CNGA1: variants seen among roughly 807,000 people sequenced by gnomAD.
CNGA1 encodes the protein cyclic nucleotide gated channel subunit alpha 1.
In CNGA1, 53 loss-of-function variants were observed where a neutral mutation model predicts 69.7. The ratio of observed to expected loss-of-function variants is 0.76; its 90% CI spans 0.61 to 0.96. CNGA1 has a LOEUF of 0.96. Among genes scored for constraint, CNGA1 ranks in the 40% least tolerant of loss-of-function variants. The pLI, the probability that CNGA1 is intolerant of heterozygous loss-of-function variation, is 0.00. For synonymous variants in CNGA1, 249 were observed against 283.5 expected (o/e 0.88, Z 1.22); for missense variants, 739 against 811.2 (o/e 0.91, Z 1.08).
intron 3 of CNGA1, among the ~76,000 whole-genome samples, chr4:47,966,104 A>G (rs1740710666): frequency 6.6e-6 from 1 of 152,236 alleles, no homozygotes; most frequent in African/African-American, 2.4e-5. Context: ...GTACACAAAA[A>G]TATACCAAAG....
At chr4:47,967,838 TGTG>T (rs1740805113) in intron 3 of CNGA1, among the ~76,000 whole-genome samples, 1 of 151,644 alleles carries the variant, frequency 6.6e-6, no homozygotes, top group Non-Finnish European at 1.5e-5. Flanking sequence ...ATTAGCTGGG[TGTG>T]GTGGTGGGTG....
chr4:47,971,108 A>T, intron 3 of CNGA1: 1 of 453,940 alleles, frequency 2.2e-6, no homozygotes. Context: ...CATCTAAAAA[A>T]AAAAAATACA....
intron 2 of CNGA1, among the ~76,000 whole-genome samples, chr4:48,006,300 CAAA>C (rs1180752667): frequency 1.3e-5 from 2 of 152,020 alleles, no homozygotes; most frequent in East Asian, 3.9e-4. Flanking sequence ...CTGTGGATGA[CAAA>C]AAGTTTTAGG....
chr4:48,011,479 C>G lies in CNGA1; in HGVS notation c.-222-586G>C, dbSNP rs144651451. Among the ~76,000 whole-genome samples, 322 of 152,002 alleles carry G rather than the reference C, an allele frequency of 2.1e-3. 1 individual carries two copies. The highest frequency in any genetic ancestry group is 0.017 in the Middle Eastern group (5 of 294). ...AAGCTGACTTTTAACCATTGAGTTC[C>G]TTTTTTAAAAAAATCTTTTAAAATC... On this transcript the variant is annotated intron_variant, in intron 1 of 10. Transcript: ENST00000514170.
intron 3 of CNGA1, among the ~76,000 whole-genome samples, chr4:47,964,282 A>G (rs570637705): frequency 6.6e-6 from 1 of 152,188 alleles, no homozygotes; most frequent in Admixed American, 6.5e-5. Context: ...AGAAAAAATT[A>G]TATGAGTAAA....
chr4:47,951,317 A>G, intron 5 of CNGA1, 36 bp downstream of exon 5: 1 of 1,373,020 alleles, frequency 7.3e-7, no homozygotes, highest in Non-Finnish European at 1.0e-6. Context: ...ATAAATGGTT[A>G]AAAACAAGCA....
At chr4:48,012,977 C>T (rs1715234876) in intron 1 of CNGA1, 1 of 152,102 alleles carries the variant, frequency 6.6e-6, no homozygotes, top group East Asian at 1.9e-4. Flanking sequence ...CACTCCTTTT[C>T]CCTGTTGGAA....
At chr4:47,954,354 G>A (rs1440218318) in intron 3 of CNGA1, among the ~76,000 whole-genome samples, 1 of 152,148 alleles carries the variant, frequency 6.6e-6, no homozygotes, top group Non-Finnish European at 1.5e-5. Flanking sequence ...AATGGAGGTG[G>A]GGAGGTTAAC....
chr4:47,938,526 A>G (rs1357184745), intron 10 of CNGA1, among the ~76,000 whole-genome samples: 5 of 151,696 alleles, frequency 3.3e-5, no homozygotes, highest in South Asian at 4.2e-4. Flanking sequence ...CTGAGTAGCT[A>G]GGACTACAGG....
chr4:47,985,348 T>C (rs1177142501), intron 2 of CNGA1, among the ~76,000 whole-genome samples: 1 of 152,182 alleles, frequency 6.6e-6, no homozygotes, highest in African/African-American at 2.4e-5. Context: ...ATTAGAGCAA[T>C]CTTCTTGCAG....
intron 2 of CNGA1, among the ~76,000 whole-genome samples, chr4:48,001,921 C>T (rs1714679043): frequency 6.6e-6 from 1 of 152,168 alleles, no homozygotes; most frequent in South Asian, 2.1e-4. Flanking sequence ...AATCAAGGAA[C>T]ACATTCCTTC....
Position 47,937,621 on chromosome 4 carries a change from C to T in CNGA1, c.861G>A (p.Arg287=). ...MFEFFQRTET[R]TNYPNIFRIS... ...TCCTGAAGATGTTTGGATAGTTTGT[C>T]CTTGTTTCTGTTCTCTGGAAGAACT... The change falls in exon 11 of 11, where the codon AGG becomes AGA. Residue 287 remains arginine (R), a synonymous_variant. Coordinates refer to ENST00000514170, the MANE Select transcript of CNGA1 (RefSeq NM_001379270.1). 1.2e-6 allele frequency: 2 copies of T among 1,614,140 alleles called. No individual in the cohort carries two copies. Among genetic ancestry groups the T allele is most frequent in the Non-Finnish European group, 1.7e-6 (2 of 1,180,020 alleles).
chr4:47,969,472 G>GT (rs1235449311), intron 3 of CNGA1, among the ~76,000 whole-genome samples: 3 of 151,916 alleles, frequency 2.0e-5, no homozygotes, highest in South Asian at 2.1e-4. Context: ...TTGTTTTTTC[G>GT]TTTTTTTGTT....
chr4:47,944,057 C>T (rs1041062880), intron 6 of CNGA1, among the ~76,000 whole-genome samples: 1 of 152,202 alleles, frequency 6.6e-6, no homozygotes, highest in African/African-American at 2.4e-5. Flanking sequence ...AGGGTTATAG[C>T]AGGCTGCCAT....
intron 6 of CNGA1, among the ~76,000 whole-genome samples, chr4:47,948,547 G>A (rs1203772272): frequency 6.6e-6 from 1 of 152,110 alleles, no homozygotes; most frequent in Non-Finnish European, 1.5e-5. Context: ...CATCTGCCAG[G>A]GAATGCCAGA....
chr4:47,948,213 C>G (rs1739522797), intron 6 of CNGA1, among the ~76,000 whole-genome samples: 1 of 151,922 alleles, frequency 6.6e-6, no homozygotes, highest in Admixed American at 6.6e-5. Context: ...GCATTGGAAC[C>G]TGAGTTTGGG....
intron 2 of CNGA1, among the ~76,000 whole-genome samples, chr4:47,986,352 G>A (rs1421000260): frequency 1.3e-5 from 2 of 151,786 alleles, no homozygotes; most frequent in Non-Finnish European, 2.9e-5. Context: ...GTTGCAGTAA[G>A]CCGAGATTGC....
intron 3 of CNGA1, among the ~76,000 whole-genome samples, chr4:47,957,470 G>A (rs1740157665): frequency 6.6e-6 from 1 of 151,832 alleles, no homozygotes; most frequent in Non-Finnish European, 1.5e-5. Context: ...AGAATAAAAT[G>A]TTAGCCCAGA....
At chr4:47,984,200 G>C (rs1741872511) in intron 2 of CNGA1, among the ~76,000 whole-genome samples, 1 of 152,082 alleles carries the variant, frequency 6.6e-6, no homozygotes, top group African/African-American at 2.4e-5. Context: ...ACAGAAAAAC[G>C]TTTTTCATCA....
Sources: allele counts gnomAD v4.1 joint callset (sites outside exome capture counted in the v4.1 genomes callset), GRCh38; gene constraint gnomAD v4.1.1; transcripts MANE v1.5; gene names NCBI Gene and HGNC (gene_info 2026-07-23, HGNC 2026-07-21).